RASSF8: variants seen among roughly 807,000 people sequenced by gnomAD.
RASSF8 encodes the protein ras association domain-containing protein 8.
Under a neutral mutation model 48.5 loss-of-function variants are expected in RASSF8, and 22 were observed. That is an observed-to-expected ratio of 0.45 (90% confidence interval 0.32 to 0.65). The LOEUF is 0.65. RASSF8 is among the 30% of genes least tolerant of loss of function. RASSF8 has a pLI of 0.03. For synonymous variants in RASSF8, 127 were observed against 171.5 expected (o/e 0.74, Z 2.03); for missense variants, 418 against 489.2 (o/e 0.85, Z 1.37).
rs1400048206 is a variant in RASSF8, at chr12:25,995,024, T to C, written c.-202-13T>C. On this transcript the variant is annotated splice_polypyrimidine_tract_variant and intron_variant, in intron 1 of 5. Transcript: ENST00000689635. Reference sequence around the variant, plus strand: ...ATTAGCCAGGACTGTAAGAACCCTATGTACCTTTGCAGGTGCCTGTGTAGA... The same window carrying C: ...ATTAGCCAGGACTGTAAGAACCCTACGTACCTTTGCAGGTGCCTGTGTAGA... 4.6e-5 allele frequency: 7 copies of C among 152,206 alleles called. No homozygotes were observed. Among genetic ancestry groups the C allele is most frequent in the African/African-American group, 9.7e-5 (4 of 41,438 alleles). 9.4% of individuals were successfully genotyped at this position (152,206 alleles called of 1,614,324 possible). A position where few individuals can be genotyped will look rare whatever the true frequency, so the allele number is the denominator to read the frequency against.
rs905338591 is a variant in RASSF8 at position 26,078,896 on chromosome 12, T to C, written c.1139-137T>C. 35 of 660,848 alleles carry C rather than the reference T, an allele frequency of 5.3e-5. No homozygotes were observed. In the African/African-American group the frequency reaches 6.0e-4, roughly 11 times the overall value. The allele number at this position is 660,848 out of a possible 1,614,324, so 40.9% of individuals were successfully genotyped here. A position where few individuals can be genotyped will look rare whatever the true frequency, so the allele number is the denominator to read the frequency against. On this transcript the variant is annotated intron_variant, in intron 5 of 5. Coordinates refer to the RASSF8 transcript ENST00000381352. ...TTAAATGAATATTTCTAGAAGGTTC[T>C]CAAAAAAAAAGGCGCTAACCGAAAA...
At chr12:26,017,952 G>A (rs1942691420) in intron 2 of RASSF8, among the ~76,000 whole-genome samples, 1 of 152,208 alleles carries the variant, frequency 6.6e-6, no homozygotes. Flanking sequence ...GTCTTTCATG[G>A]TGAAAAACCC....
chr12:26,071,132 A>T lies in RASSF8; in HGVS notation c.*2314A>T. On this transcript the variant is annotated 3_prime_UTR_variant, in exon 6 of 6. Coordinates refer to ENST00000689635, the MANE Select transcript of RASSF8 (RefSeq NM_001394098.1). ...CATTGAGAAGCTGTACTTTTTAATTAGTTATATTACTTCTGGAAGCACATA... is the reference window on the plus strand; with the variant it reads ...CATTGAGAAGCTGTACTTTTTAATTTGTTATATTACTTCTGGAAGCACATA... 1.0e-6 allele frequency: 1 copy of T among 975,218 alleles called. No individual in the cohort carries two copies. The highest frequency in any genetic ancestry group is 1.1e-4 in the East Asian group (1 of 8,782). 60.4% of individuals were successfully genotyped at this position (975,218 alleles called of 1,614,324 possible). A position where few individuals can be genotyped will look rare whatever the true frequency, so the allele number is the denominator to read the frequency against.
chr12:25,969,925 C>CT (rs1217847543), intron 1 of RASSF8, among the ~76,000 whole-genome samples: 1 of 152,038 alleles, frequency 6.6e-6, no homozygotes, highest in Non-Finnish European at 1.5e-5. Flanking sequence ...TGCTTTAGAC[C>CT]TTTATTTCCC....
intron 2 of RASSF8, among the ~76,000 whole-genome samples, chr12:26,036,741 C>G (rs1198830833): frequency 1.3e-5 from 2 of 151,588 alleles, no homozygotes; most frequent in Non-Finnish European, 2.9e-5. Context: ...AACCCTGTCT[C>G]TACTAAAAAA....
intron 1 of RASSF8, among the ~76,000 whole-genome samples, chr12:25,976,229 G>A (rs370815993): frequency 2.0e-4 from 30 of 152,238 alleles, no homozygotes; most frequent in African/African-American, 7.0e-4. Context: ...GTAACCCTCC[G>A]CTTAAGGAAC....
At chr12:26,053,982 C>A (rs1943548564) in intron 2 of RASSF8, among the ~76,000 whole-genome samples, 1 of 152,186 alleles carries the variant, frequency 6.6e-6, no homozygotes, top group Admixed American at 6.5e-5. Flanking sequence ...AGGGACTAAG[C>A]CACTGTTTGT....
chr12:26,003,979 C>A (rs571465569), intron 2 of RASSF8, among the ~76,000 whole-genome samples: 1 of 152,002 alleles, frequency 6.6e-6, no homozygotes, highest in South Asian at 2.1e-4. Context: ...GAGTTTGAGA[C>A]CAGACAGGGC....
At chr12:26,016,423 G>C (rs1038396869) in intron 2 of RASSF8, among the ~76,000 whole-genome samples, 1 of 152,102 alleles carries the variant, frequency 6.6e-6, no homozygotes, top group African/African-American at 2.4e-5. Flanking sequence ...CTCATGTCCA[G>C]ATGTTTTCTT....
At chr12:26,013,516 G>C (rs554558484) in intron 2 of RASSF8, among the ~76,000 whole-genome samples, 15 of 152,216 alleles carry the variant, frequency 9.9e-5, no homozygotes, top group African/African-American at 3.6e-4. Flanking sequence ...CTCAGGCCTG[G>C]TAAAATCATA....
chr12:26,032,823 G>A (rs919135649), intron 2 of RASSF8, among the ~76,000 whole-genome samples: 11 of 152,144 alleles, frequency 7.2e-5, no homozygotes, highest in South Asian at 4.1e-4. Flanking sequence ...ATTAAACAGC[G>A]TATGTACACA....
chr12:25,992,403 T>C (rs1372364254), intron 1 of RASSF8, among the ~76,000 whole-genome samples: 1 of 152,226 alleles, frequency 6.6e-6, no homozygotes, highest in Non-Finnish European at 1.5e-5. Flanking sequence ...CTTTTCTAAT[T>C]ATTCCCTTAT....
chr12:26,055,836 A>T (rs1282606626), intron 3 of RASSF8, among the ~76,000 whole-genome samples: 1 of 152,218 alleles, frequency 6.6e-6, no homozygotes, highest in Non-Finnish European at 1.5e-5. Flanking sequence ...ACTTTCAGAA[A>T]ATACAACAAA....
At chr12:25,982,073 G>A (rs1941758252) in intron 1 of RASSF8, among the ~76,000 whole-genome samples, 1 of 152,172 alleles carries the variant, frequency 6.6e-6, no homozygotes, top group African/African-American at 2.4e-5. Context: ...CACTTTGCAG[G>A]TGGATCTTTT....
At chr12:25,990,730 CTT>C (rs1201027208) in intron 1 of RASSF8, among the ~76,000 whole-genome samples, 2 of 152,318 alleles carry the variant, frequency 1.3e-5, no homozygotes, top group East Asian at 3.9e-4. Context: ...TGTTCCCACT[CTT>C]TTATTAGACA....
intron 2 of RASSF8, among the ~76,000 whole-genome samples, chr12:26,036,894 C>A (rs1267537198): frequency 6.6e-6 from 1 of 151,234 alleles, no homozygotes; most frequent in Non-Finnish European, 1.5e-5. Flanking sequence ...CCAGCCTGGG[C>A]GACAGAGCAA....
chr12:26,043,107 T>A, intron 2 of RASSF8, among the ~76,000 whole-genome samples: 1 of 152,162 alleles, frequency 6.6e-6, no homozygotes, highest in East Asian at 1.9e-4. Context: ...GCTGAGGGGT[T>A]CCAGAGGTAA....
At chr12:26,011,063 T>G (rs924050) in intron 2 of RASSF8, among the ~76,000 whole-genome samples, 136,865 of 152,220 alleles carry the variant, frequency 0.9, 61,647 homozygotes, top group East Asian at 0.99. Flanking sequence ...TCTAAAAGCA[T>G]TCTCCTGAGG....
chr12:26,028,171 A>T (rs1470196484), intron 2 of RASSF8, among the ~76,000 whole-genome samples: 1 of 146,922 alleles, frequency 6.8e-6, no homozygotes, highest in African/African-American at 2.5e-5. Context: ...TGTGTGTTTT[A>T]AAAGTGTTTC....
Sources: gnomAD v4.1 joint callset for allele counts (sites outside exome capture counted in the v4.1 genomes callset) on GRCh38, gnomAD v4.1.1 for gene constraint, MANE v1.5 for transcripts, NCBI Gene and HGNC (gene_info 2026-07-23, HGNC 2026-07-21) for gene names.